The following MUS81 variants were observed in gnomAD, a reference collection of about 807,000 sequenced individuals.
MUS81 encodes the protein MUS81 structure-specific endonuclease subunit, also known as structure-specific endonuclease subunit MUS81.
A neutral mutation model predicts 74.2 loss-of-function variants in MUS81; 69 were observed. The ratio of observed to expected loss-of-function variants is 0.93; its 90% CI spans 0.77 to 1.14. MUS81 has a LOEUF of 1.14. MUS81 is among the 50% of genes most tolerant of loss of function. The pLI, the probability that MUS81 is intolerant of heterozygous loss-of-function variation, is 0.00. For missense variants in MUS81, 711 were observed against 726.5 expected, an observed-to-expected ratio of 0.98 and a Z score of 0.25; for synonymous variants, 303 against 300.6, an observed-to-expected ratio of 1.01 and a Z score of -0.08.
rs774160660 is a variant in MUS81, at chr11:65,861,060, C to A, written c.223C>A (p.Arg75=). 1.9e-6 allele frequency: 3 copies of A among 1,612,630 alleles called. No homozygotes were observed. The highest frequency in any genetic ancestry group is 2.5e-6 in the Non-Finnish European group (3 of 1,179,974). The change falls in exon 2 of 16, where the codon CGG becomes AGG. Residue 75 remains arginine, a synonymous_variant. Coordinates refer to ENST00000308110, the MANE Select transcript of MUS81 (RefSeq NM_025128.5). ...ACAGCACTTCGGAGACGGGCTCTGC[C>A]GGATGCTGGACGAGCGGCTGCAGCG... is the stretch of plus-strand genomic sequence containing the variant. ...ILQHFGDGLC[R]MLDERLQRHR... is the part of the protein sequence containing the mutation.
At chr11:65,865,964 C>T (rs936701412) in intron 15 of MUS81, 22 bp from the exon 16 acceptor site, 3 of 1,613,908 alleles carry the variant, frequency 1.9e-6, no homozygotes, top group African/African-American at 2.7e-5. Context: ...GGGCGTGACC[C>T]TCGCTGCCTC....
In MUS81 at chr11:65,866,256, G is replaced by A; in HGVS notation, c.*204G>A. ...GGTCCAGTGGTTTTTAAACAAAGCT[G>A]CTTAGCACCTGGAATTCCCTGGTCA... On this transcript the variant is annotated 3_prime_UTR_variant, in exon 16 of 16. Coordinates refer to ENST00000308110, the MANE Select transcript of MUS81 (RefSeq NM_025128.5). 1 of 610,746 alleles carries A rather than the reference G, an allele frequency of 1.6e-6. No individual in the cohort carries two copies. Among genetic ancestry groups the A allele is most frequent in the Non-Finnish European group, 2.9e-6 (1 of 348,570 alleles). 37.8% of individuals were successfully genotyped at this position (610,746 alleles called of 1,614,324 possible). A position where few individuals can be genotyped will look rare whatever the true frequency, so the allele number is the denominator to read the frequency against.
At position 65,865,139 on chromosome 11, in the gene MUS81, G is replaced by A. The variant is rs371507087; in HGVS notation, c.1395G>A (p.Lys465=). 32 of 1,614,212 alleles carry A rather than the reference G, an allele frequency of 2.0e-5. 2 individuals are homozygous for A. Among genetic ancestry groups the A allele is most frequent in the South Asian group, 4.4e-5 (4 of 91,088 alleles). ...GTGACTTCAACGCAGGAGCCATCAA[G>A]AATAAGGTACTGTCTCTGCCTAGCT... is the stretch of plus-strand genomic sequence containing the variant. The part of the protein sequence containing the change: ...TFSDFNAGAI[K]NKAQSVREVF... Residue 465 remains lysine, a synonymous_variant, in exon 13 of 16, where the codon AAG becomes AAA. Transcript: ENST00000308110.
Position 65,862,237 on chromosome 11 carries a change from C to A in MUS81, c.477C>A (p.Thr159=), listed in dbSNP as rs1565265839. 7 of 1,613,724 alleles carry A rather than the reference C, an allele frequency of 4.3e-6. No individual in the cohort carries two copies. The highest frequency in any genetic ancestry group is 5.9e-6 in the Non-Finnish European group (7 of 1,180,016). The change falls in exon 5 of 16, where the codon ACC becomes ACA. Residue 159 remains threonine (T), a synonymous_variant. Coordinates refer to ENST00000308110, the MANE Select transcript of MUS81 (RefSeq NM_025128.5). Reference sequence around the variant, plus strand: ...ATCCTAATGGTCACCACTTCTTAACCAAGGAGGAGCTGCTGCAGAGGTGTG... The same window carrying A: ...ATCCTAATGGTCACCACTTCTTAACAAAGGAGGAGCTGCTGCAGAGGTGTG... ...HLNPNGHHFL[T]KEELLQRCAQ...
intron 10 of MUS81, 126 bp from the exon 11 acceptor site, chr11:65,864,371 A>C: frequency 1.3e-6 from 1 of 799,844 alleles, no homozygotes; most frequent in Non-Finnish European, 2.1e-6. Context: ...TGGAGAGGCT[A>C]GGGAGGATGC....
intron 4 of MUS81, 46 bp from the exon 5 acceptor site, chr11:65,862,165 G>T: frequency 1.1e-5 from 18 of 1,601,924 alleles, no homozygotes; most frequent in Non-Finnish European, 1.5e-5. Flanking sequence ...GGATGAGGAG[G>T]GGCCCTGGCA....
chr11:65,865,009 T>A lies in MUS81; in HGVS notation c.1273-8T>A. On this transcript the variant is annotated splice_region_variant and splice_polypyrimidine_tract_variant and intron_variant, in intron 12 of 15. Transcript: ENST00000308110. ...CTCCAGCCTGGCCTCAGTCCCTTCT[T>A]CCCTCAGGGCCACACCCTACGCAGC... 1 of 1,613,024 alleles carries A rather than the reference T, an allele frequency of 6.2e-7. No individual in the cohort carries two copies. The highest frequency in any genetic ancestry group is 8.5e-7 in the Non-Finnish European group (1 of 1,179,952).
In MUS81 at chr11:65,860,889, G is replaced by A; in HGVS notation, c.135+1G>A. On this transcript the variant is annotated splice_donor_variant, in intron 1 of 15. Transcript: ENST00000308110. LOFTEE classifies it high-confidence loss of function. Reference sequence around the variant, plus strand: ...CCGCACGCGCTTCGTATTTCAGAAGGTGGGTCCTGGCGTGGCCCGATGGGA... The same window carrying A: ...CCGCACGCGCTTCGTATTTCAGAAGATGGGTCCTGGCGTGGCCCGATGGGA... The A allele has an allele frequency of 6.3e-7, 1 of 1,593,266 alleles. No individual in the cohort carries two copies. The highest frequency in any genetic ancestry group is 8.5e-7 in the Non-Finnish European group (1 of 1,172,338).
intron 6 of MUS81, 72 bp from the exon 7 acceptor site, chr11:65,862,993 T>TG: frequency 6.2e-7 from 1 of 1,601,762 alleles, no homozygotes; most frequent in Non-Finnish European, 8.5e-7. Context: ...CCAGCCCAGC[T>TG]GGGGGCAGGC....
chr11:65,862,226 C>A lies in MUS81; in HGVS notation c.466C>A (p.His156Asn). Reference protein sequence around the residue: ...YREHLNPNGHHFLTKEELLQR... With the variant: ...YREHLNPNGHNFLTKEELLQR... ...TTGGTTTCAGAATCCTAATGGTCAC[C>A]ACTTCTTAACCAAGGAGGAGCTGCT... The change falls in exon 5 of 16, where the codon CAC (histidine) becomes AAC (asparagine). Residue 156 changes from histidine to asparagine, a missense_variant. Transcript: ENST00000308110. The A allele has an allele frequency of 6.2e-7, 1 of 1,613,316 alleles. No individual in the cohort carries two copies. Among genetic ancestry groups the A allele is most frequent in the South Asian group, 1.1e-5 (1 of 91,046 alleles).
At position 65,863,146 on chromosome 11, in the gene MUS81, CGGGCCCAA is replaced by C; in HGVS notation, c.690_697del (p.Pro231AlafsTer19). 6.2e-7 allele frequency: 1 copy of C among 1,614,064 alleles called. No individual in the cohort carries two copies. The highest frequency in any genetic ancestry group is 8.5e-7 in the Non-Finnish European group (1 of 1,180,006). ...GCCTGAGCTTGCTGAATGTGGGCAT[CGGGCCCAA>C]GGAGCCCCCTGGGGAGGAGACAGCA... On this transcript the variant is annotated frameshift_variant, in exon 7 of 16. Coordinates refer to ENST00000308110, the MANE Select transcript of MUS81 (RefSeq NM_025128.5). LOFTEE classifies it high-confidence loss of function.
At chr11:65,864,696 C>T (rs746257491) in intron 11 of MUS81, 24 bp from the exon 12 acceptor site, 2 of 1,613,714 alleles carry the variant, frequency 1.2e-6, no homozygotes, top group Non-Finnish European at 1.7e-6. Flanking sequence ...AGCCACCTTC[C>T]CTCTCTTGGG....
At position 65,861,047 on chromosome 11, in the gene MUS81, A is replaced by G; in HGVS notation, c.210A>G (p.Gly70=). 1 of 1,612,698 alleles carries G rather than the reference A, an allele frequency of 6.2e-7. No homozygotes were observed. Residue 70 remains glycine, a synonymous_variant, in exon 2 of 16, where the codon GGA becomes GGG. Transcript: ENST00000308110. ...AAGCTAAGATCCTACAGCACTTCGG[A>G]GACGGGCTCTGCCGGATGCTGGACG... is the stretch of plus-strand genomic sequence containing the variant. ...GKEAKILQHF[G]DGLCRMLDER...
Position 65,860,840 on chromosome 11 carries a change from G to A in MUS81, c.87G>A (p.Arg29=), listed in dbSNP as rs759265350. The change falls in exon 1 of 16, where the codon CGG becomes CGA. Residue 29 remains arginine, a synonymous_variant. Transcript: ENST00000308110. ...TCGTTCGCTGGCTGACCGAGTGGCG[G>A]GACGAGGCGACCCGCAGCAGGCGCC... is the stretch of plus-strand genomic sequence containing the variant. The part of the protein sequence containing the change: ...PLFVRWLTEW[R]DEATRSRRRT... The A allele has an allele frequency of 6.5e-7, 1 of 1,544,852 alleles. No individual in the cohort carries two copies. Among genetic ancestry groups the A allele is most frequent in the African/African-American group, 1.4e-5 (1 of 73,242 alleles).
chr11:65,865,469 C>T (rs987157154), intron 14 of MUS81, 146 bp downstream of exon 14: 4 of 862,594 alleles, frequency 4.6e-6, no homozygotes, highest in Non-Finnish European at 7.0e-6. Context: ...TCGTGGAGGT[C>T]AAGTGGGGAG....
Position 65,865,223 on chromosome 11 carries a change from C to T in MUS81, c.1405C>T (p.Gln469Ter). Residue 469 changes from glutamine to a stop codon, truncating the protein, a stop_gained, in exon 14 of 16, where the codon CAG becomes TAG. Transcript: ENST00000308110. LOFTEE classifies it high-confidence loss of function. ...TCCAGCCCTTTCCCGAACCCAGGCC[C>T]AGTCGGTGCGAGAAGTGTTTGCCCG... ...FNAGAIKNKA[Q>*]SVREVFARQL... 2 of 1,614,174 alleles carry T rather than the reference C, an allele frequency of 1.2e-6. No individual in the cohort carries two copies. The highest frequency in any genetic ancestry group is 1.7e-6 in the Non-Finnish European group (2 of 1,180,012).
At chr11:65,861,232 C>A in intron 2 of MUS81, 118 bp from the exon 3 acceptor site, 1 of 1,542,016 alleles carries the variant, frequency 6.5e-7, no homozygotes, top group Non-Finnish European at 8.8e-7. Context: ...GGGCTAGTGG[C>A]TGGCGCTCCC....
At chr11:65,862,787 G>T (rs1374463327) in intron 6 of MUS81, among the ~76,000 whole-genome samples, 2 of 152,230 alleles carry the variant, frequency 1.3e-5, no homozygotes, top group African/African-American at 4.8e-5. Context: ...GGCGGGTAGA[G>T]ATGCAGGATA....
rs200869317 is a variant in MUS81 at position 65,865,157 on chromosome 11, G to A, written c.1401+12G>A. 108 of 1,614,068 alleles carry A rather than the reference G, an allele frequency of 6.7e-5. No homozygotes were observed. In the East Asian group the frequency reaches 2.4e-3, roughly 36 times the overall value. On this transcript the variant is annotated intron_variant, in intron 13 of 15. Transcript: ENST00000308110. ...CCATCAAGAATAAGGTACTGTCTCT[G>A]CCTAGCTTCTCAGACATGGCCTGGC...
Sources: allele counts gnomAD v4.1 joint callset (sites outside exome capture counted in the v4.1 genomes callset), GRCh38; gene constraint gnomAD v4.1.1; transcripts MANE v1.5; gene names NCBI Gene and HGNC (gene_info 2026-07-23, HGNC 2026-07-21).